BSG: variants seen among roughly 807,000 people sequenced by gnomAD.
The protein encoded by BSG is basigin.
Under a neutral mutation model 43.1 loss-of-function variants are expected in BSG, and 37 were observed. The ratio of observed to expected loss-of-function variants is 0.86; its 90% CI spans 0.66 to 1.13. The LOEUF (loss-of-function observed/expected upper bound fraction) is 1.13. Among genes scored for constraint, BSG ranks in the 50% most tolerant of loss-of-function variants. The probability of loss-of-function intolerance (pLI) is 0.00; values close to 1 mark genes in which losing one functional copy is unlikely to be tolerated. For missense variants in BSG, 599 were observed against 554.2 expected (o/e 1.08, Z -0.81); for synonymous variants, 309 against 238.7 (o/e 1.29, Z -2.72).
In BSG at chr19:574,893, C is replaced by T. The variant is rs138039913; in HGVS notation, c.67+2192C>T. On this transcript the variant is annotated intron_variant, in intron 1 of 8. Coordinates refer to ENST00000333511, the MANE Select transcript of BSG (RefSeq NM_001728.4). ...GGTGAGGTGAGCGCGGAAGATAAGC[C>T]GCCCCCGCCAGCCCTGTGGAAACCC... Among the ~76,000 whole-genome samples the T allele has an allele frequency of 6.4e-4, 97 of 152,298 alleles. 1 individual carries two copies. The East Asian group carries it at 0.018, about 28-fold the overall frequency.
upstream of BSG, chr19:571,452 G>A (rs1981227424): frequency 1.3e-6 from 1 of 756,470 alleles, no homozygotes. Context: ...TGGTCGCCGC[G>A]GAACTTCAAG....
intron 2 of BSG, chr19:578,331 G>C: frequency 2.1e-6 from 1 of 473,936 alleles, no homozygotes; most frequent in Non-Finnish European, 3.6e-6. Flanking sequence ...GCTCGGGGCA[G>C]GCAGGGCTCT....
chr19:582,840 G>A lies in BSG; in HGVS notation c.*96G>A. On this transcript the variant is annotated 3_prime_UTR_variant, in exon 9 of 9. Coordinates refer to ENST00000333511, the MANE Select transcript of BSG (RefSeq NM_001728.4). The stretch of plus-strand genomic sequence containing the variant: ...AGATTCCAAGTTCTCACCTCTTAAA[G>A]AAAACCCACCCCGTAGATTCCCATC... 1.8e-6 allele frequency: 1 copy of A among 551,940 alleles called. No individual in the cohort carries two copies. Among genetic ancestry groups the A allele is most frequent in the East Asian group, 3.1e-5 (1 of 32,446 alleles). The allele number at this position is 551,940 out of a possible 1,614,324, so 34.2% of individuals were successfully genotyped here.
chr19:582,852 C>G lies in BSG; in HGVS notation c.*108C>G, dbSNP rs1310891589. ...CTCACCTCTTAAAGAAAACCCACCCCGTAGATTCCCATCATACACTTCCTT... is the reference window on the plus strand; with the variant it reads ...CTCACCTCTTAAAGAAAACCCACCCGGTAGATTCCCATCATACACTTCCTT... On this transcript the variant is annotated 3_prime_UTR_variant, in exon 9 of 9. Transcript: ENST00000333511. The G allele has an allele frequency of 7.5e-6, 4 of 536,038 alleles. No individual in the cohort carries two copies. Among genetic ancestry groups the G allele is most frequent in the Non-Finnish European group, 9.9e-6 (3 of 303,062 alleles). 33.2% of individuals were successfully genotyped at this position (536,038 alleles called of 1,614,324 possible).
In BSG at chr19:579,665, C is replaced by G; in HGVS notation, c.572+9C>G. The G allele has an allele frequency of 1.9e-6, 3 of 1,597,258 alleles. No homozygotes were observed. Among genetic ancestry groups the G allele is most frequent in the Non-Finnish European group, 2.6e-6 (3 of 1,171,244 alleles). On this transcript the variant is annotated intron_variant, in intron 3 of 8. Transcript: ENST00000333511. ...CAGAAAACGGAGTTCAAGTGAGTGC[C>G]TGACCACGCCATGCCGCCACCTGCC...
upstream of BSG, chr19:572,362 G>T: frequency 9.3e-7 from 1 of 1,080,170 alleles, no homozygotes; most frequent in Non-Finnish European, 1.1e-6. Flanking sequence ...CTCCAGCCGC[G>T]TCCCCGCAGG....
intron 7 of BSG, 51 bp from the exon 8 acceptor site, chr19:582,463 G>A (rs753806336): frequency 1.3e-4 from 193 of 1,486,358 alleles, no homozygotes; most frequent in Non-Finnish European, 1.7e-4. Context: ...GGGTGACTTG[G>A]AGAGAGTGAC....
intron 1 of BSG, among the ~76,000 whole-genome samples, chr19:574,421 C>T (rs1422583769): frequency 2.6e-5 from 4 of 152,090 alleles, no homozygotes; most frequent in East Asian, 1.9e-4. Flanking sequence ...GGCGTGGTGG[C>T]GGGCGCCTGT....
chr19:575,043 TTTTGTGCA>T (rs1981642047), intron 1 of BSG: 1 of 152,276 alleles, frequency 6.6e-6, no homozygotes, highest in Non-Finnish European at 1.5e-5. Flanking sequence ...GTTTTGTTCC[TTTTGTGCA>T]TTTGTGCAGG....
Position 576,760 on chromosome 19 carries a change from A to AAAAG in BSG, c.68-1012_68-1011insAGAA, listed in dbSNP as rs1555726065. On this transcript the variant is annotated intron_variant, in intron 1 of 8. Transcript: ENST00000333511. ...TGAGACTCTGTCTCAAAAAAAAAAA[A>AAAAG]AAGAAGAAGAGGAGAAAGAAAATGG... Among the ~76,000 whole-genome samples, 142 of 146,220 alleles carry AAAAG rather than the reference A, an allele frequency of 9.7e-4. 1 individual carries two copies. Among genetic ancestry groups the AAAAG allele is most frequent in the African/African-American group, 3.3e-3 (130 of 39,132 alleles).
In BSG at chr19:578,017, G is replaced by T; in HGVS notation, c.311G>T (p.Gly104Val). 1 of 1,611,866 alleles carries T rather than the reference G, an allele frequency of 6.2e-7. No individual in the cohort carries two copies. Among genetic ancestry groups the T allele is most frequent in the Middle Eastern group, 1.7e-4 (1 of 6,060 alleles). The change falls in exon 2 of 9, where the codon GGC becomes GTC. Residue 104 changes from glycine (G) to valine (V), a missense_variant. Transcript: ENST00000333511. ...GACACGCTCGTGGAGGAGGACACGG[G>T]CACTTACGAGTGCCGGGCCAGCAAC... ...SIDTLVEEDT[G>V]TYECRASNDP...
upstream of BSG, chr19:572,359 C>T (rs1441447387): frequency 1.5e-5 from 16 of 1,073,252 alleles, no homozygotes; most frequent in East Asian, 1.0e-3. Context: ...AGGCTCCAGC[C>T]GCGTCCCCGC....
chr19:572,538 T>C (rs940864699), upstream of BSG: 96 of 1,308,992 alleles, frequency 7.3e-5, no homozygotes, highest in East Asian at 9.7e-5. Flanking sequence ...ACGCCGTGCG[T>C]GCGCGCGCCC....
chr19:572,490 C>A (rs1270548196), upstream of BSG: 3 of 1,186,186 alleles, frequency 2.5e-6, no homozygotes, highest in Non-Finnish European at 3.1e-6. Context: ...GCAGGCGGGG[C>A]GACCGGCGTC....
chr19:583,064 G>A lies in BSG; in HGVS notation c.*320G>A, dbSNP rs1258081371. 2 of 166,972 alleles carry A rather than the reference G, an allele frequency of 1.2e-5. No individual in the cohort carries two copies. Among genetic ancestry groups the A allele is most frequent in the East Asian group, 1.8e-4 (1 of 5,588 alleles). The allele number at this position is 166,972 out of a possible 1,614,324, so 10.3% of individuals were successfully genotyped here. A position where few individuals can be genotyped will look rare whatever the true frequency, so the allele number is the denominator to read the frequency against. ...CTCCACTGGCCGGAGTCAGTGCCAG[G>A]TCCTTGCCCTTTGTGGAAAGTCACA... is the stretch of plus-strand genomic sequence containing the variant. On this transcript the variant is annotated 3_prime_UTR_variant, in exon 9 of 9. Transcript: ENST00000333511.
At position 580,672 on chromosome 19, in the gene BSG, T is replaced by C. The variant is rs756468123; in HGVS notation, c.682T>C (p.Ser228Pro). The change falls in exon 5 of 9, where the codon TCG becomes CCG. Residue 228 changes from serine (S) to proline (P), a missense_variant. Coordinates refer to ENST00000333511, the MANE Select transcript of BSG (RefSeq NM_001728.4). ...HGPPRVKAVK[S>P]SEHINEGETA... ...GCCTCCCAGAGTGAAGGCTGTGAAG[T>C]CGTCAGAACACATCAACGAGGGGGA... The C allele has an allele frequency of 6.2e-7, 1 of 1,612,768 alleles. No homozygotes were observed. The highest frequency in any genetic ancestry group is 1.1e-5 in the South Asian group (1 of 91,080).
chr19:571,742 C>T, upstream of BSG: 1 of 667,916 alleles, frequency 1.5e-6, no homozygotes, highest in South Asian at 1.6e-5. Flanking sequence ...CTCCAGAGCA[C>T]ACGGGACAAA....
intron 3 of BSG, 92 bp from the exon 4 acceptor site, chr19:580,287 A>G: frequency 8.4e-7 from 1 of 1,192,940 alleles, no homozygotes; most frequent in Admixed American, 2.0e-5. Flanking sequence ...TTGCTTTTTC[A>G]CTGTGCCGTG....
At position 581,392 on chromosome 19, in the gene BSG, G is replaced by A. The variant is rs147227117; in HGVS notation, c.870G>A (p.Leu290=). ...GGTCAGAGCTACACATTGAGAACCT[G>A]AACATGGAGGCCGACCCCGGCCAGT... is the stretch of plus-strand genomic sequence containing the variant. ...QGRSELHIEN[L]NMEADPGQYR... Residue 290 remains leucine, a synonymous_variant, in exon 6 of 9, where the codon CTG becomes CTA. Transcript: ENST00000333511. 6.2e-6 allele frequency: 10 copies of A among 1,612,704 alleles called. No homozygotes were observed. The highest frequency in any genetic ancestry group is 7.6e-6 in the Non-Finnish European group (9 of 1,179,964).
Sources: allele counts gnomAD v4.1 joint callset (sites outside exome capture counted in the v4.1 genomes callset), GRCh38; gene constraint gnomAD v4.1.1; transcripts MANE v1.5; gene names NCBI Gene and HGNC (gene_info 2026-07-23, HGNC 2026-07-21).